Variants in RAB17 observed in about 807,000 individuals in gnomAD.
The protein encoded by RAB17 is ras-related protein Rab-17.
RAB17 carries 15 observed loss-of-function variants against 19.3 expected under a neutral mutation model. The ratio of observed to expected loss-of-function variants is 0.78; its 90% CI spans 0.52 to 1.20. The LOEUF (loss-of-function observed/expected upper bound fraction) is 1.20, where lower values mean the gene tolerates loss of function less well. Ranked by LOEUF, RAB17 falls within the 50% of genes most tolerant of loss-of-function variation. The pLI, the probability that RAB17 is intolerant of heterozygous loss-of-function variation, is 0.00. For missense variants in RAB17, 262 were observed against 269.3 expected, an observed-to-expected ratio of 0.97 and a Z score of 0.19; for synonymous variants, 110 against 112.8, an observed-to-expected ratio of 0.97 and a Z score of 0.16.
chr2:237,576,056 C>T lies in RAB17; in HGVS notation c.436-576G>A, dbSNP rs964422480. ...GGAATGGGGGCCTTCCTGTGCAGGCCCCTCCCCTGGCCTCCGGGACTCTCC... is the reference window on the plus strand; with the variant it reads ...GGAATGGGGGCCTTCCTGTGCAGGCTCCTCCCCTGGCCTCCGGGACTCTCC... On this transcript the variant is annotated intron_variant, in intron 4 of 5. Coordinates refer to ENST00000264601, the MANE Select transcript of RAB17 (RefSeq NM_022449.4). Among the ~76,000 whole-genome samples the T allele has an allele frequency of 2.0e-5, 3 of 152,308 alleles. No individual in the cohort carries two copies. In the East Asian group the frequency reaches 5.8e-4, roughly 29 times the overall value.
chr2:237,577,185 CA>C (rs1410543063), intron 4 of RAB17, 71 bp downstream of exon 4: 42 of 1,543,776 alleles, frequency 2.7e-5, no homozygotes, highest in Non-Finnish European at 3.6e-5. Flanking sequence ...GTGTGAGTGC[CA>C]AGGTCTTGAC....
At chr2:237,577,175 G>A (rs2081271706) in intron 4 of RAB17, 82 bp downstream of exon 4, 1 of 1,518,748 alleles carries the variant, frequency 6.6e-7, no homozygotes, top group Non-Finnish European at 8.9e-7. Context: ...GTGTATGAAA[G>A]TGTGAGTGCC....
intron 5 of RAB17, 53 bp downstream of exon 5, chr2:237,575,334 T>C: frequency 4.9e-6 from 7 of 1,430,782 alleles, no homozygotes; most frequent in Admixed American, 1.8e-5. Context: ...CCCAGGGAAG[T>C]TGGTCAGGGA....
At chr2:237,579,722 C>T (rs1373009621) in intron 2 of RAB17, among the ~76,000 whole-genome samples, 1 of 79,126 alleles carries the variant, frequency 1.3e-5, no homozygotes, top group African/African-American at 1.2e-4. Flanking sequence ...CTCAATTGCA[C>T]CCACTAGACA....
intron 2 of RAB17, among the ~76,000 whole-genome samples, chr2:237,581,428 T>C (rs2081308085): frequency 6.6e-6 from 1 of 151,810 alleles, no homozygotes; most frequent in African/African-American, 2.4e-5. Flanking sequence ...TTTAATTTTA[T>C]TTTTTTAGTA....
chr2:237,586,845 C>T (rs2081354376), intron 1 of RAB17, among the ~76,000 whole-genome samples: 1 of 152,236 alleles, frequency 6.6e-6, no homozygotes, highest in Non-Finnish European at 1.5e-5. Context: ...TCAGCTCAGC[C>T]ATTTGTATCA....
In RAB17 at chr2:237,574,590, G is replaced by A. The variant is rs2081245714; in HGVS notation, c.*429C>T. On this transcript the variant is annotated 3_prime_UTR_variant, in exon 6 of 6. Coordinates refer to ENST00000264601, the MANE Select transcript of RAB17 (RefSeq NM_022449.4). ...TTCCTGGCACCACCACCTCCATCTG[G>A]CCTGCTCCCCAACCCCCCAGAAGCA... 6.5e-7 allele frequency: 1 copy of A among 1,545,154 alleles called. No homozygotes were observed. The highest frequency in any genetic ancestry group is 1.4e-5 in the African/African-American group (1 of 72,892).
At chr2:237,582,488 G>T (rs1450757309) in intron 2 of RAB17, among the ~76,000 whole-genome samples, 1 of 152,150 alleles carries the variant, frequency 6.6e-6, no homozygotes, top group African/African-American at 2.4e-5. Context: ...GGAAGGAGTG[G>T]CATGCCTGTG....
At position 237,577,956 on chromosome 2, in the gene RAB17, G is replaced by C. The variant is rs767119711; in HGVS notation, c.309+48C>G. On this transcript the variant is annotated intron_variant, in intron 3 of 5. Transcript: ENST00000264601. ...ATCATTGCACTGGAGAAACCAGAAG[G>C]CAGGTGCTTGGGAAGGAGGGTGGGA... The C allele has an allele frequency of 2.4e-5, 37 of 1,554,788 alleles. No individual in the cohort carries two copies. The Middle Eastern group carries it at 5.4e-4, about 23-fold the overall frequency.
intron 4 of RAB17, among the ~76,000 whole-genome samples, chr2:237,576,886 A>G (rs1440844589): frequency 6.6e-6 from 1 of 152,132 alleles, no homozygotes; most frequent in East Asian, 1.9e-4. Flanking sequence ...GTTCAAGCCG[A>G]GCCCACCCTG....
intron 2 of RAB17, among the ~76,000 whole-genome samples, chr2:237,583,832 C>T (rs13408080): frequency 0.019 from 2,873 of 152,178 alleles, 91 homozygotes; most frequent in African/African-American, 0.065. Context: ...GGAAGGGAGG[C>T]CCTGGCTTTC....
chr2:237,583,604 C>T (rs1245406427), intron 2 of RAB17, among the ~76,000 whole-genome samples: 1 of 152,180 alleles, frequency 6.6e-6, no homozygotes, highest in Non-Finnish European at 1.5e-5. Context: ...GAAGGCAGCT[C>T]ATGAGCCACA....
At chr2:237,575,580 TGGAGCCCG>T in intron 4 of RAB17, 100 bp from the exon 5 acceptor site, 1 of 858,212 alleles carries the variant, frequency 1.2e-6, no homozygotes, top group Non-Finnish European at 1.9e-6. Flanking sequence ...GCTGCAGCCG[TGGAGCCCG>T]CACTCCTCCA....
intron 1 of RAB17, among the ~76,000 whole-genome samples, chr2:237,589,908 G>A (rs1559400332): frequency 6.6e-6 from 1 of 152,178 alleles, no homozygotes; most frequent in Non-Finnish European, 1.5e-5. Flanking sequence ...TCTGATTGAT[G>A]AGTCTATCGG....
In RAB17 at chr2:237,575,307, G is replaced by A. The variant is rs146107983; in HGVS notation, c.529+80C>T. On this transcript the variant is annotated intron_variant, in intron 5 of 5. Coordinates refer to ENST00000264601, the MANE Select transcript of RAB17 (RefSeq NM_022449.4). ...CTAAAGACATTCTATGGGATACCAC[G>A]TCACCAGCAACAGGGACCCAGGGAA... The A allele has an allele frequency of 1.6e-4, 198 of 1,220,466 alleles. No homozygotes were observed. In the African/African-American group the frequency reaches 2.4e-3, roughly 15 times the overall value. 75.6% of individuals were successfully genotyped at this position (1,220,466 alleles called of 1,614,324 possible).
chr2:237,581,504 C>T (rs1221971194), intron 2 of RAB17, among the ~76,000 whole-genome samples: 1 of 152,144 alleles, frequency 6.6e-6, no homozygotes, highest in African/African-American at 2.4e-5. Context: ...ATCTGCCCGC[C>T]TCGGCCTCCC....
Position 237,578,020 on chromosome 2 carries a change from TAC to T in RAB17, c.291_292del (p.Tyr98ArgfsTer136). On this transcript the variant is annotated frameshift_variant, in exon 3 of 6. Coordinates refer to ENST00000264601, the MANE Select transcript of RAB17 (RefSeq NM_022449.4). LOFTEE classifies it high-confidence loss of function. ...GGGCCCTACCTTCCTGGTGATGTCG[TAC>T]ACCAGAAGCGCAGCGTTGGCACCCC... The T allele has an allele frequency of 6.2e-7, 1 of 1,607,072 alleles. No individual in the cohort carries two copies. The highest frequency in any genetic ancestry group is 8.5e-7 in the Non-Finnish European group (1 of 1,174,312).
chr2:237,589,201 C>T (rs1341353071), intron 1 of RAB17, among the ~76,000 whole-genome samples: 1 of 140,300 alleles, frequency 7.1e-6, no homozygotes. Flanking sequence ...GCCTGGGTGA[C>T]AGAGCGAGAA....
In RAB17 at chr2:237,576,785, C is replaced by T. The variant is rs147611648; in HGVS notation, c.435+472G>A. On this transcript the variant is annotated intron_variant, in intron 4 of 5. Coordinates refer to ENST00000264601, the MANE Select transcript of RAB17 (RefSeq NM_022449.4). Reference sequence around the variant, plus strand: ...CTGCCTGTAAGGAGGACTGACAAAACTCGAGTGAAGGAGGCTACATTTGCA... The same window carrying T: ...CTGCCTGTAAGGAGGACTGACAAAATTCGAGTGAAGGAGGCTACATTTGCA... 3.0e-3 allele frequency: 1,411 copies of T among 466,234 alleles called. 11 individuals carry two copies. The highest frequency in any genetic ancestry group is 0.024 in the African/African-American group (1,208 of 50,142). 28.9% of individuals were successfully genotyped at this position (466,234 alleles called of 1,614,324 possible).
Sources: allele counts gnomAD v4.1 joint callset (sites outside exome capture counted in the v4.1 genomes callset), GRCh38; gene constraint gnomAD v4.1.1; transcripts MANE v1.5; gene names NCBI Gene and HGNC (gene_info 2026-07-23, HGNC 2026-07-21).